Variants in GPATCH2 observed in about 807,000 individuals in gnomAD.
The protein encoded by GPATCH2 is G patch domain-containing protein 2.
Under a neutral mutation model 58.0 loss-of-function variants are expected in GPATCH2, and 51 were observed. The observed-to-expected ratio is 0.88, with a 90% CI of 0.70 to 1.11. The LOEUF (loss-of-function observed/expected upper bound fraction) is 1.11. Among genes scored for constraint, GPATCH2 ranks in the 50% most tolerant of loss-of-function variants. GPATCH2 has a pLI of 0.00. For missense variants in GPATCH2, 625 were observed against 652.2 expected (o/e 0.96, Z 0.45); for synonymous variants, 222 against 218.5 (o/e 1.02, Z -0.14).
chr1:217,606,699 C>A (rs1301653637), intron 5 of GPATCH2, among the ~76,000 whole-genome samples: 1 of 152,000 alleles, frequency 6.6e-6, no homozygotes, highest in Non-Finnish European at 1.5e-5. Context: ...CTTGATTGTG[C>A]CACTGCACTC....
chr1:217,450,956 G>A (rs1659638442), intron 8 of GPATCH2, among the ~76,000 whole-genome samples: 1 of 152,032 alleles, frequency 6.6e-6, no homozygotes, highest in Non-Finnish European at 1.5e-5. Flanking sequence ...ATCTATTATG[G>A]ACTTAGCATA....
At chr1:217,453,354 G>T (rs924771385) in intron 8 of GPATCH2, among the ~76,000 whole-genome samples, 2 of 152,190 alleles carry the variant, frequency 1.3e-5, no homozygotes, top group Non-Finnish European at 2.9e-5. Flanking sequence ...TTTGCATGGG[G>T]AGGAAGAGAA....
At chr1:217,514,376 C>G (rs1054217040) in intron 6 of GPATCH2, among the ~76,000 whole-genome samples, 2 of 151,982 alleles carry the variant, frequency 1.3e-5, no homozygotes, top group Admixed American at 6.6e-5. Flanking sequence ...CCAGGCTGGT[C>G]TCAAACTCCT....
chr1:217,449,359 AACT>A (rs1185956274), intron 8 of GPATCH2, 22 bp from the exon 9 acceptor site: 1 of 1,382,516 alleles, frequency 7.2e-7, no homozygotes, highest in South Asian at 1.2e-5. Flanking sequence ...TATCAGAAAA[AACT>A]ATTAACAAAG....
chr1:217,554,244 A>G (rs1418769884), intron 5 of GPATCH2, among the ~76,000 whole-genome samples: 1 of 152,184 alleles, frequency 6.6e-6, no homozygotes, highest in African/African-American at 2.4e-5. Context: ...TTCATCACCT[A>G]CTACAGAAAG....
intron 5 of GPATCH2, among the ~76,000 whole-genome samples, chr1:217,606,407 A>G (rs953922779): frequency 6.6e-6 from 1 of 152,122 alleles, no homozygotes; most frequent in African/African-American, 2.4e-5. Context: ...TAAAAGAAAC[A>G]TAAAAGAATG....
At chr1:217,616,699 G>C (rs17723512) in intron 2 of GPATCH2, among the ~76,000 whole-genome samples, 6,313 of 152,018 alleles carry the variant, frequency 0.042, 196 homozygotes, top group Middle Eastern at 0.096. Context: ...CAGTCATTAC[G>C]GCTTATCTCC....
intron 8 of GPATCH2, among the ~76,000 whole-genome samples, chr1:217,467,922 C>A (rs1242248391): frequency 6.6e-6 from 1 of 152,120 alleles, no homozygotes; most frequent in Non-Finnish European, 1.5e-5. Flanking sequence ...CACACAATTA[C>A]CTTAAATAAT....
At chr1:217,540,718 GA>G (rs906743884) in intron 5 of GPATCH2, among the ~76,000 whole-genome samples, 2 of 152,036 alleles carry the variant, frequency 1.3e-5, no homozygotes, top group African/African-American at 4.8e-5. Flanking sequence ...TTATAAACAT[GA>G]AAAAAACATC....
intron 5 of GPATCH2, among the ~76,000 whole-genome samples, chr1:217,529,245 C>A (rs1253151804): frequency 6.6e-6 from 1 of 152,072 alleles, no homozygotes; most frequent in African/African-American, 2.4e-5. Context: ...TCACTTCCTG[C>A]CATGGTTTGG....
At chr1:217,605,706 G>A (rs1668328953) in intron 5 of GPATCH2, among the ~76,000 whole-genome samples, 1 of 152,146 alleles carries the variant, frequency 6.6e-6, no homozygotes, top group Non-Finnish European at 1.5e-5. Context: ...ATTTTAAAAA[G>A]CTCTGACCTA....
chr1:217,518,187 C>T (rs1663269092), intron 5 of GPATCH2, among the ~76,000 whole-genome samples: 1 of 152,020 alleles, frequency 6.6e-6, no homozygotes, highest in Non-Finnish European at 1.5e-5. Flanking sequence ...CTTTTGTGTC[C>T]TAATTCTAAA....
chr1:217,461,075 C>T (rs1660178996), intron 8 of GPATCH2, among the ~76,000 whole-genome samples: 1 of 152,100 alleles, frequency 6.6e-6, no homozygotes, highest in Admixed American at 6.5e-5. Context: ...CTGAGTAGGA[C>T]TACTAAAGAG....
chr1:217,564,884 TA>T (rs1298273984), intron 5 of GPATCH2, among the ~76,000 whole-genome samples: 3 of 151,968 alleles, frequency 2.0e-5, no homozygotes, highest in African/African-American at 4.8e-5. Flanking sequence ...TATCATAGTC[TA>T]AAAAAAATGA....
intron 7 of GPATCH2, 63 bp downstream of exon 7, chr1:217,498,293 G>A (rs543568560): frequency 1.9e-4 from 225 of 1,198,566 alleles, no homozygotes; most frequent in Middle Eastern, 1.1e-3. Context: ...CTCTCCTGAA[G>A]GGAGACAGTT....
At chr1:217,620,921 ATCT>A (rs1281322238) in intron 1 of GPATCH2, among the ~76,000 whole-genome samples, 1 of 152,204 alleles carries the variant, frequency 6.6e-6, no homozygotes, top group Non-Finnish European at 1.5e-5. Flanking sequence ...GAAACATGAA[ATCT>A]TCTATTCACC....
At position 217,428,775 on chromosome 1, in the gene GPATCH2, T is replaced by A. The variant is rs1658411683; in HGVS notation, c.*2370A>T. ...GCTGAAAATACAAAGAAGAATTTTT[T>A]TAGGTGTTAGAGAAGCTAAGTTAAC... On this transcript the variant is annotated 3_prime_UTR_variant, in exon 10 of 10. Transcript: ENST00000366935. The A allele has an allele frequency of 6.6e-6, 1 of 152,188 alleles. No homozygotes were observed. The highest frequency in any genetic ancestry group is 2.4e-5 in the African/African-American group (1 of 41,434). The allele number at this position is 152,188 out of a possible 1,614,324, so 9.4% of individuals were successfully genotyped here.
At chr1:217,578,842 G>A (rs1666927603) in intron 5 of GPATCH2, among the ~76,000 whole-genome samples, 2 of 152,174 alleles carry the variant, frequency 1.3e-5, no homozygotes, top group South Asian at 4.1e-4. Context: ...AATGAACTTG[G>A]AGTAGCATCA....
intron 3 of GPATCH2, among the ~76,000 whole-genome samples, chr1:217,611,746 T>C (rs1004942908): frequency 2.0e-5 from 3 of 152,152 alleles, no homozygotes; most frequent in Non-Finnish European, 4.4e-5. Flanking sequence ...GAAATAGTTT[T>C]GAAAAAGTTG....
Sources: gnomAD v4.1 joint callset for allele counts (sites outside exome capture counted in the v4.1 genomes callset) on GRCh38, gnomAD v4.1.1 for gene constraint, MANE v1.5 for transcripts, NCBI Gene and HGNC (gene_info 2026-07-23, HGNC 2026-07-21) for gene names.